Variants in GK observed in about 807,000 individuals in gnomAD.
The protein encoded by GK is ATP:glycerol 3-phosphotransferase.
In GK, 9 loss-of-function variants were observed where a neutral mutation model predicts 56.4. The ratio of observed to expected loss-of-function variants is 0.16; its 90% confidence interval spans 0.10 to 0.28. GK has a LOEUF of 0.28. GK is among the 10% of genes least tolerant of loss of function. GK has a pLI of 1.00. For synonymous variants in GK, 104 were observed against 144.1 expected (o/e 0.72, Z 1.99); for missense variants, 161 against 431.4 (o/e 0.37, Z 5.55).
At chrX:30,699,307 T>C (rs1935497683) in intron 9 of GK, among the ~76,000 whole-genome samples, 1 of 59,611 alleles carries the variant, frequency 1.7e-5, no homozygotes, top group South Asian at 1.4e-3. Flanking sequence ...AACATGTATA[T>C]ATATAACATG....
rs748141552 is a variant in GK, at chrX:30,708,041, T to A, written c.895-13T>A. Reference sequence around the variant, plus strand: ...TTTCCACTACTGAAATCTTTTTTTTTTCTTTCTTACAGTGTGTATTTTCTG... The same window carrying A: ...TTTCCACTACTGAAATCTTTTTTTTATCTTTCTTACAGTGTGTATTTTCTG... On this transcript the variant is annotated splice_polypyrimidine_tract_variant and intron_variant, in intron 12 of 20. Coordinates refer to ENST00000427190, the MANE Select transcript of GK (RefSeq NM_001205019.2). 1 of 1,096,020 alleles carries A rather than the reference T, an allele frequency of 9.1e-7. No individual in the cohort carries two copies. Among genetic ancestry groups the A allele is most frequent in the Non-Finnish European group, 1.3e-6 (1 of 794,335 alleles). The allele number at this position is 1,096,020 out of a possible 1,213,427, so 90.3% of individuals were successfully genotyped here. A position where few individuals can be genotyped will look rare whatever the true frequency, so the allele number is the denominator to read the frequency against.
intron 3 of GK, among the ~76,000 whole-genome samples, chrX:30,668,503 T>C (rs1033650778): frequency 3.7e-5 from 4 of 109,500 alleles, no homozygotes; most frequent in African/African-American, 1.3e-4. Flanking sequence ...TCTAGAAGAG[T>C]GTTTGAGGAA....
At chrX:30,684,315 A>G (rs1334847977) in intron 4 of GK, among the ~76,000 whole-genome samples, 2 of 112,161 alleles carry the variant, frequency 1.8e-5, no homozygotes, top group African/African-American at 3.2e-5. Context: ...GTATAGAGCA[A>G]TATGACCCTC....
chrX:30,705,688 TG>T (rs1466418718), intron 11 of GK, among the ~76,000 whole-genome samples: 1 of 112,953 alleles, frequency 8.9e-6, no homozygotes, highest in African/African-American at 3.2e-5. Flanking sequence ...ATGTAAATGC[TG>T]AAAGCTCCAT....
rs1937245765 is a variant in GK at position 30,728,748 on chromosome X, A to C, written c.*6A>C. On this transcript the variant is annotated 3_prime_UTR_variant, in exon 21 of 21. Transcript: ENST00000427190. ...CCATTTCAGGTATTCCATAAAACCT[A>C]CCAACTCATGGATTCCCAAGATGTG... 8.6e-7 allele frequency: 1 copy of C among 1,156,691 alleles called. No individual in the cohort carries two copies. The highest frequency in any genetic ancestry group is 1.2e-6 in the Non-Finnish European group (1 of 847,696).
At chrX:30,699,311 T>C (rs865917334) in intron 9 of GK, among the ~76,000 whole-genome samples, 8 of 50,958 alleles carry the variant, frequency 1.6e-4, no homozygotes, top group African/African-American at 5.2e-4. Flanking sequence ...TGTATATATA[T>C]AACATGTTAT....
intron 5 of GK, among the ~76,000 whole-genome samples, chrX:30,693,543 T>C (rs1461643021): frequency 9.1e-6 from 1 of 110,231 alleles, no homozygotes; most frequent in African/African-American, 3.3e-5. Context: ...TTGCTTTATT[T>C]ATTTTTTATT....
At chrX:30,697,792 AAGATAC>A in intron 9 of GK, 43 bp downstream of exon 9, 5 of 972,820 alleles carry the variant, frequency 5.1e-6, no homozygotes, top group Non-Finnish European at 7.4e-6. Context: ...TCATTTGGAA[AAGATAC>A]AGTGCACTTC....
rs1381769299 is a variant in GK at position 30,689,807 on chromosome X, T to C, written c.338-1316T>C. On this transcript the variant is annotated intron_variant, in intron 4 of 20. Transcript: ENST00000427190. ...TTTCCTAAAAAGAATTCGAAATACC[T>C]CTCCCCAACAGATGCAGGAGGAGTA... Among the ~76,000 whole-genome samples, 8 of 111,785 alleles carry C rather than the reference T, an allele frequency of 7.2e-5. 1 individual carries two copies. The highest frequency in any genetic ancestry group is 1.3e-4 in the Non-Finnish European group (7 of 53,163).
chrX:30,699,832 A>G (rs1226954174), intron 9 of GK, among the ~76,000 whole-genome samples: 1 of 111,928 alleles, frequency 8.9e-6, no homozygotes, highest in Non-Finnish European at 1.9e-5. Context: ...ACCAGTATTT[A>G]TGACATAAAT....
At chrX:30,717,963 TA>T (rs2147258636) in intron 13 of GK, among the ~76,000 whole-genome samples, 1 of 111,544 alleles carries the variant, frequency 9.0e-6, no homozygotes, top group African/African-American at 3.2e-5. Context: ...TTAGATTAGT[TA>T]CTAAGATTAC....
intron 2 of GK, 42 bp from the exon 3 acceptor site, chrX:30,667,970 G>T: frequency 1.4e-6 from 1 of 713,604 alleles, no homozygotes; most frequent in Admixed American, 2.2e-5. Flanking sequence ...AGTTATATTT[G>T]TGTTGCTTTC....
intron 5 of GK, among the ~76,000 whole-genome samples, 163 bp downstream of exon 5, chrX:30,691,362 G>A (rs1012180370): frequency 1.8e-5 from 2 of 110,174 alleles, no homozygotes; most frequent in African/African-American, 3.3e-5. Context: ...TTACCTTCCC[G>A]TCTTTCTTGC....
At chrX:30,679,378 C>T (rs995881625) in intron 4 of GK, among the ~76,000 whole-genome samples, 43 of 109,831 alleles carry the variant, frequency 3.9e-4, no homozygotes, top group African/African-American at 1.2e-3. Context: ...CCATTATGCC[C>T]GGCTAATTTT....
intron 4 of GK, among the ~76,000 whole-genome samples, chrX:30,685,461 G>A (rs1255569427): frequency 1.8e-5 from 2 of 111,801 alleles, no homozygotes; most frequent in African/African-American, 6.5e-5. Context: ...TTAGTTCTTT[G>A]TGGGAGAAGG....
At position 30,720,834 on chromosome X, in the gene GK, G is replaced by A. The variant is rs527938345; in HGVS notation, c.1358-18G>A. 20 of 1,209,798 alleles carry A rather than the reference G, an allele frequency of 1.7e-5. No individual in the cohort carries two copies. The highest frequency in any genetic ancestry group is 8.9e-5 in the East Asian group (3 of 33,778). On this transcript the variant is annotated intron_variant, in intron 17 of 20. Transcript: ENST00000427190. ...CATATGTAACCACAAAGATATTGAT[G>A]GAACTCTCTCTCCTCAGTGAAGCCC...
intron 2 of GK, among the ~76,000 whole-genome samples, chrX:30,667,298 A>G (rs904364494): frequency 1.8e-5 from 2 of 112,014 alleles, no homozygotes; most frequent in African/African-American, 3.2e-5. Context: ...ATCCTATGGT[A>G]GAATCATTTT....
chrX:30,669,064 G>A (rs1242712846), intron 3 of GK, among the ~76,000 whole-genome samples: 2 of 110,920 alleles, frequency 1.8e-5, no homozygotes, highest in Admixed American at 9.7e-5. Flanking sequence ...AAGACTAGAG[G>A]AATGAGTAGG....
At chrX:30,707,453 T>C (rs1394535209) in intron 11 of GK, 103 bp from the exon 12 acceptor site, 19 of 556,874 alleles carry the variant, frequency 3.4e-5, no homozygotes, top group Non-Finnish European at 3.1e-6. Flanking sequence ...TAATGACTTT[T>C]TTGGACTAAA....
Sources: allele counts gnomAD v4.1 joint callset (sites outside exome capture counted in the v4.1 genomes callset), GRCh38; gene constraint gnomAD v4.1.1; transcripts MANE v1.5; gene names NCBI Gene and HGNC (gene_info 2026-07-23, HGNC 2026-07-21).